The following CEP85 variants were observed in gnomAD, a reference collection of about 807,000 sequenced individuals.
CEP85 encodes centrosomal protein of 85 kDa.
A neutral mutation model predicts 93.7 loss-of-function variants in CEP85; 58 were observed. That is an observed-to-expected ratio of 0.62 (90% confidence interval 0.50 to 0.77). CEP85 has a LOEUF of 0.77. CEP85 is among the 30% of genes least tolerant of loss of function. CEP85 has a pLI of 0.00. For synonymous variants in CEP85, 314 were observed against 338.6 expected (o/e 0.93, Z 0.80); for missense variants, 868 against 922.0 (o/e 0.94, Z 0.76).
intron 12 of CEP85, among the ~76,000 whole-genome samples, chr1:26,276,270 A>G (rs2124617897): frequency 6.6e-6 from 1 of 152,318 alleles, no homozygotes. Context: ...TTGAACAGAA[A>G]CTTGGATGCT....
intron 3 of CEP85, among the ~76,000 whole-genome samples, chr1:26,245,901 C>T (rs1202706622): frequency 6.6e-6 from 1 of 151,938 alleles, no homozygotes; most frequent in Non-Finnish European, 1.5e-5. Flanking sequence ...ATCCTAGCTA[C>T]TTGGGAGGCT....
rs2124549095 is a variant in CEP85 at position 26,235,163 on chromosome 1, C to T, written c.-23+853C>T. On this transcript the variant is annotated intron_variant, in intron 1 of 13. Transcript: ENST00000451429. Reference sequence around the variant, plus strand: ...CAGTTAATGAGAGCGATCCTTTACACCAGTACATTCCCAACACGTGGCTCA... The same window carrying T: ...CAGTTAATGAGAGCGATCCTTTACATCAGTACATTCCCAACACGTGGCTCA... 2.0e-5 allele frequency among the ~76,000 whole-genome samples: 3 copies of T among 152,324 alleles called. No individual in the cohort carries two copies. In the South Asian group the frequency reaches 6.2e-4, roughly 32 times the overall value.
At chr1:26,247,747 T>G (rs2089533432) in intron 3 of CEP85, among the ~76,000 whole-genome samples, 1 of 152,178 alleles carries the variant, frequency 6.6e-6, no homozygotes, top group Non-Finnish European at 1.5e-5. Context: ...GCTCAACCTA[T>G]CTTTCCACCT....
Position 26,258,660 on chromosome 1 carries a change from A to C in CEP85, c.1155+400A>C, listed in dbSNP as rs1256377562. On this transcript the variant is annotated intron_variant, in intron 6 of 13. Coordinates refer to ENST00000451429, the MANE Select transcript of CEP85 (RefSeq NM_001319944.2). The stretch of plus-strand genomic sequence containing the variant: ...CACCCAGGCTGGAGTGCAGTGGCAC[A>C]ATCTCGGCTCACTGCAACCTCCGCC... Among the ~76,000 whole-genome samples the C allele has an allele frequency of 2.1e-4, 32 of 151,536 alleles. 1 individual carries two copies. Among genetic ancestry groups the C allele is most frequent in the Admixed American group, 2.1e-3 (32 of 15,216 alleles).
At chr1:26,244,536 G>C (rs539673854) in intron 3 of CEP85, among the ~76,000 whole-genome samples, 4 of 152,060 alleles carry the variant, frequency 2.6e-5, no homozygotes, top group South Asian at 2.1e-4. Flanking sequence ...AACTTTGTTG[G>C]GGGGTGGGGA....
chr1:26,250,925 C>CCTTTTTTTTTTTTTTTTTTTTTTTTTT (rs2089598435), intron 3 of CEP85, among the ~76,000 whole-genome samples: 1 of 55,160 alleles, frequency 1.8e-5, no homozygotes, highest in African/African-American at 5.9e-5. Context: ...TTTTTTTTTT[C>CCTTTTTTTTTTTTTTTTTTTTTTTTTT]TTTTTTCTTT....
At chr1:26,235,564 A>AT (rs1185542130) in intron 1 of CEP85, among the ~76,000 whole-genome samples, 8 of 69,544 alleles carry the variant, frequency 1.2e-4, no homozygotes, top group African/African-American at 3.5e-4. Flanking sequence ...TTAGATTGTA[A>AT]TTCTTTTTTT....
chr1:26,257,520 C>T, intron 4 of CEP85, 77 bp from the exon 5 acceptor site: 1 of 1,556,208 alleles, frequency 6.4e-7, no homozygotes, highest in Non-Finnish European at 8.7e-7. Context: ...GACTACAGAC[C>T]CAGCTGATTA....
chr1:26,255,791 C>G lies in CEP85; in HGVS notation c.829C>G (p.Arg277Gly). ...WQPSPDTWHPREQSCELSTCR... is the reference protein window; with the variant it reads ...WQPSPDTWHPGEQSCELSTCR... ...GCCGAGTCCTGACACTTGGCATCCC[C>G]GAGAGCAATCTTGTGAACTCAGCAC... is the stretch of plus-strand genomic sequence containing the variant. Residue 277 changes from arginine (R) to glycine (G), a missense_variant, in exon 4 of 14, where the codon CGA becomes GGA. Arg to Gly is a moderately radical substitution (Grantham distance 125, BLOSUM62 -2). Coordinates refer to ENST00000451429, the MANE Select transcript of CEP85 (RefSeq NM_001319944.2). The G allele has an allele frequency of 6.2e-7, 1 of 1,614,106 alleles. No individual in the cohort carries two copies. The highest frequency in any genetic ancestry group is 8.5e-7 in the Non-Finnish European group (1 of 1,180,004).
chr1:26,239,843 G>C lies in CEP85; in HGVS notation c.55+5G>C, dbSNP rs1467084357. On this transcript the variant is annotated splice_donor_5th_base_variant and intron_variant, in intron 2 of 13. Coordinates refer to ENST00000451429, the MANE Select transcript of CEP85 (RefSeq NM_001319944.2). ...TCTCTCACGTCACTTCACCGAGTGA[G>C]TAGTCAGAAGTTTTCTGGGTTAAAT... 6.2e-7 allele frequency: 1 copy of C among 1,608,128 alleles called. No homozygotes were observed. The highest frequency in any genetic ancestry group is 8.5e-7 in the Non-Finnish European group (1 of 1,174,558).
chr1:26,265,650 C>T (rs1034960084), intron 7 of CEP85, among the ~76,000 whole-genome samples: 19 of 152,330 alleles, frequency 1.2e-4, no homozygotes, highest in Admixed American at 1.2e-3. Flanking sequence ...TGAGCTGATA[C>T]TTCAGTTCAG....
chr1:26,263,274 A>G (rs1429837602), intron 7 of CEP85: 3 of 342,870 alleles, frequency 8.7e-6, no homozygotes, highest in African/African-American at 4.4e-5. Flanking sequence ...TCATTTGCCC[A>G]GGTTTTGCAA....
At chr1:26,272,697 C>T (rs112396753) in intron 11 of CEP85, among the ~76,000 whole-genome samples, 23,984 of 140,092 alleles carry the variant, frequency 0.17, 2,066 homozygotes, top group Middle Eastern at 0.22. Flanking sequence ...GGCGCAATCT[C>T]GGCTCACTGT....
At chr1:26,249,302 G>A (rs963876197) in intron 3 of CEP85, among the ~76,000 whole-genome samples, 8 of 152,180 alleles carry the variant, frequency 5.3e-5, no homozygotes, top group African/African-American at 2.4e-5. Flanking sequence ...GACTGGTCTC[G>A]AAGTCCTGAC....
intron 1 of CEP85, among the ~76,000 whole-genome samples, chr1:26,238,313 G>T (rs1248466757): frequency 7.0e-6 from 1 of 143,472 alleles, no homozygotes; most frequent in East Asian, 2.0e-4. Context: ...CGATTCTCCT[G>T]CCTCAGCCTC....
chr1:26,250,440 C>T (rs562562305), intron 3 of CEP85, among the ~76,000 whole-genome samples: 1 of 152,326 alleles, frequency 6.6e-6, no homozygotes, highest in South Asian at 2.1e-4. Context: ...CCCCAACCAT[C>T]GTCTGTGGAA....
chr1:26,271,025 A>C lies in CEP85; in HGVS notation c.1661A>C (p.Lys554Thr). The C allele has an allele frequency of 6.2e-7, 1 of 1,611,156 alleles. No individual in the cohort carries two copies. Among genetic ancestry groups the C allele is most frequent in the Non-Finnish European group, 8.5e-7 (1 of 1,177,354 alleles). ...CCACTGTCTTTCAGCCTGCAAGATA[A>C]ACAGTCTGTGGAGGAGACCAGTGGA... The part of the protein sequence containing the change: ...FSSAGHSLQD[K>T]QSVEETSGEG... Residue 554 changes from lysine to threonine, a missense_variant, in exon 10 of 14, where the codon AAA becomes ACA. Lys to Thr is a moderately conservative substitution (Grantham distance 78, BLOSUM62 -1). Coordinates refer to ENST00000451429, the MANE Select transcript of CEP85 (RefSeq NM_001319944.2).
chr1:26,268,389 T>C, intron 7 of CEP85, 94 bp from the exon 8 acceptor site: 2 of 1,423,566 alleles, frequency 1.4e-6, no homozygotes, highest in Non-Finnish European at 2.0e-6. Context: ...GCCTGGGAGG[T>C]GGAGGCTGCA....
intron 7 of CEP85, among the ~76,000 whole-genome samples, chr1:26,265,632 CT>C (rs2089882029): frequency 6.6e-6 from 1 of 152,082 alleles, no homozygotes; most frequent in Non-Finnish European, 1.5e-5. Flanking sequence ...TGATACTTGC[CT>C]CCATAGTGAG....
Sources: gnomAD v4.1 joint callset for allele counts (sites outside exome capture counted in the v4.1 genomes callset) on GRCh38, gnomAD v4.1.1 for gene constraint, MANE v1.5 for transcripts, NCBI Gene and HGNC (gene_info 2026-07-23, HGNC 2026-07-21) for gene names.